The following NXPE2 variants were observed in gnomAD, a reference collection of about 807,000 sequenced individuals.
The protein encoded by NXPE2 is NXPE family member 2.
In NXPE2, 34 loss-of-function variants were observed where a neutral mutation model predicts 34.4. The ratio of observed to expected loss-of-function variants is 0.99; its 90% CI spans 0.75 to 1.31. NXPE2 has a LOEUF of 1.31. NXPE2 is among the 40% of genes most tolerant of loss of function. The pLI is 0.00. For synonymous variants in NXPE2, 235 were observed against 231.3 expected, an observed-to-expected ratio of 1.02 and a Z score of -0.15; for missense variants, 649 against 672.5, an observed-to-expected ratio of 0.97 and a Z score of 0.39.
At chr11:114,550,335 A>T in the NXPE2 span, among the ~76,000 whole-genome samples, 1 of 152,174 alleles carries the variant, frequency 6.6e-6, no homozygotes, top group Non-Finnish European at 1.5e-5. Context: ...CTTACTTGTA[A>T]AAATCTTTGT....
the NXPE2 span, among the ~76,000 whole-genome samples, chr11:114,772,935 C>T: frequency 6.6e-6 from 1 of 152,132 alleles, no homozygotes; most frequent in African/African-American, 2.4e-5. Context: ...TCCTGGCATT[C>T]CAGGATCTTA....
chr11:114,558,383 C>A, the NXPE2 span, among the ~76,000 whole-genome samples: 3 of 151,952 alleles, frequency 2.0e-5, no homozygotes, highest in Non-Finnish European at 4.4e-5. Context: ...ATATTGGGTA[C>A]GTTTGCCTTG....
At chr11:114,629,169 T>A in the NXPE2 span, among the ~76,000 whole-genome samples, 1 of 152,084 alleles carries the variant, frequency 6.6e-6, no homozygotes, top group African/African-American at 2.4e-5. Flanking sequence ...CTAACTCATT[T>A]TATGAGGCCA....
chr11:114,507,963 C>T, the NXPE2 span, among the ~76,000 whole-genome samples: 4 of 152,280 alleles, frequency 2.6e-5, no homozygotes, highest in South Asian at 8.3e-4. Flanking sequence ...TCCCTGTTTG[C>T]AGACAATATG....
chr11:114,703,486 C>T (rs561982668), intron 3 of NXPE2, among the ~76,000 whole-genome samples: 40 of 152,222 alleles, frequency 2.6e-4, no homozygotes, highest in African/African-American at 8.4e-4. Context: ...GTGTGAGGCT[C>T]AGCAATTGGA....
chr11:114,629,932 G>C, the NXPE2 span, among the ~76,000 whole-genome samples: 20 of 150,294 alleles, frequency 1.3e-4, no homozygotes, highest in South Asian at 3.4e-3. Context: ...TTGCTTCAAA[G>C]ATAATAAAAT....
the NXPE2 span, among the ~76,000 whole-genome samples, chr11:114,610,847 T>C: frequency 6.6e-6 from 1 of 151,538 alleles, no homozygotes; most frequent in Non-Finnish European, 1.5e-5. Context: ...GTATTGCCTC[T>C]AGGGTAACCA....
the NXPE2 span, among the ~76,000 whole-genome samples, chr11:114,602,950 A>G: frequency 1.3e-5 from 2 of 149,974 alleles, no homozygotes; most frequent in African/African-American, 4.9e-5. Flanking sequence ...AATCATAATT[A>G]TCTCATATAC....
chr11:114,633,577 A>G, the NXPE2 span, among the ~76,000 whole-genome samples: 1 of 151,444 alleles, frequency 6.6e-6, no homozygotes, highest in Non-Finnish European at 1.5e-5. Flanking sequence ...CTCGTCATTT[A>G]GCATTAGGTA....
At chr11:114,633,261 A>G in the NXPE2 span, among the ~76,000 whole-genome samples, 1 of 135,130 alleles carries the variant, frequency 7.4e-6, no homozygotes, top group Admixed American at 7.9e-5. Flanking sequence ...ATATATAAGA[A>G]TGTTATATAG....
At chr11:114,614,107 C>T in the NXPE2 span, among the ~76,000 whole-genome samples, 1 of 151,842 alleles carries the variant, frequency 6.6e-6, no homozygotes, top group Admixed American at 6.6e-5. Flanking sequence ...TAAGTGTTGC[C>T]TCGTGGGTAA....
chr11:114,512,528 C>T, the NXPE2 span, among the ~76,000 whole-genome samples: 3 of 152,200 alleles, frequency 2.0e-5, no homozygotes, highest in Non-Finnish European at 4.4e-5. Flanking sequence ...TCGCGACAGT[C>T]GGGAGCCATC....
At chr11:114,576,874 A>G in the NXPE2 span, among the ~76,000 whole-genome samples, 1 of 151,290 alleles carries the variant, frequency 6.6e-6, no homozygotes. Context: ...TATACGAAAA[A>G]AATACTTGTA....
the NXPE2 span, among the ~76,000 whole-genome samples, chr11:114,717,190 C>A: frequency 1.3e-5 from 2 of 152,250 alleles, no homozygotes; most frequent in African/African-American, 4.8e-5. Context: ...CCATGAAGAC[C>A]AGCTAAGAGT....
the NXPE2 span, among the ~76,000 whole-genome samples, chr11:114,601,341 G>C: frequency 6.8e-6 from 1 of 147,026 alleles, no homozygotes; most frequent in African/African-American, 2.5e-5. Context: ...AGAATATGTG[G>C]TATTTGGTTT....
the NXPE2 span, among the ~76,000 whole-genome samples, chr11:114,520,948 G>A: frequency 5.3e-5 from 8 of 152,292 alleles, no homozygotes; most frequent in Middle Eastern, 3.4e-3. Context: ...TTTGAGCAGT[G>A]GATTCAGAAG....
chr11:114,552,726 C>T, the NXPE2 span: 300 of 188,538 alleles, frequency 1.6e-3, 1 homozygote, highest in African/African-American at 6.1e-3. Flanking sequence ...GAAAGTAGTG[C>T]GTATGGATAT....
the NXPE2 span, among the ~76,000 whole-genome samples, chr11:114,484,655 C>A: frequency 3.9e-5 from 6 of 152,204 alleles, no homozygotes; most frequent in Non-Finnish European, 8.8e-5. Context: ...TTTTCTGTTT[C>A]TGCGGGCTAG....
chr11:114,770,164 C>T, the NXPE2 span, among the ~76,000 whole-genome samples: 2 of 152,158 alleles, frequency 1.3e-5, no homozygotes, highest in African/African-American at 4.8e-5. Context: ...AGACAGTGAT[C>T]CAGTCATGTT....
Sources: gnomAD v4.1 joint callset for allele counts (sites outside exome capture counted in the v4.1 genomes callset) on GRCh38, gnomAD v4.1.1 for gene constraint, MANE v1.5 for transcripts, NCBI Gene and HGNC (gene_info 2026-07-23, HGNC 2026-07-21) for gene names.